The following PDLIM1 variants were observed in gnomAD, a reference collection of about 807,000 sequenced individuals.
PDLIM1 encodes PDZ and LIM domain protein 1.
A neutral mutation model predicts 35.2 loss-of-function variants in PDLIM1; 25 were observed. The observed-to-expected ratio is 0.71, with a 90% confidence interval of 0.52 to 0.99. The LOEUF is 0.99. Ranked by LOEUF, PDLIM1 falls within the 50% of genes least tolerant of loss-of-function variation. PDLIM1 has a pLI of 0.00. For missense variants in PDLIM1, 363 were observed against 415.3 expected, an observed-to-expected ratio of 0.87 and a Z score of 1.09; for synonymous variants, 152 against 154.0, an observed-to-expected ratio of 0.99 and a Z score of 0.10.
intron 3 of PDLIM1, among the ~76,000 whole-genome samples, chr10:95,266,924 T>C (rs1248087102): frequency 6.6e-6 from 1 of 152,238 alleles, no homozygotes; most frequent in African/African-American, 2.4e-5. Flanking sequence ...AATGAGGAAG[T>C]ACAAACTAGG....
At chr10:95,239,371 C>T (rs1244205274) in intron 5 of PDLIM1, among the ~76,000 whole-genome samples, 3 of 152,122 alleles carry the variant, frequency 2.0e-5, no homozygotes, top group Non-Finnish European at 4.4e-5. Flanking sequence ...AACTAAAGAG[C>T]TTCTGCACAG....
At chr10:95,240,889 GT>G (rs987277822) in intron 5 of PDLIM1, among the ~76,000 whole-genome samples, 2 of 152,154 alleles carry the variant, frequency 1.3e-5, no homozygotes, top group African/African-American at 4.8e-5. Context: ...CTGTACCATG[GT>G]AGCTATTAAT....
In PDLIM1 at chr10:95,237,720, C is replaced by A. The variant is rs1273330486; in HGVS notation, c.*205G>T. 4 of 563,670 alleles carry A rather than the reference C, an allele frequency of 7.1e-6. No individual in the cohort carries two copies. Among genetic ancestry groups the A allele is most frequent in the Non-Finnish European group, 1.3e-5 (4 of 317,686 alleles). The allele number at this position is 563,670 out of a possible 1,614,324, so 34.9% of individuals were successfully genotyped here. ...GTGTTGCTGACAAGGTGACACTGAA[C>A]AAAACAGTTTTCCTTTAATTGTAAA... On this transcript the variant is annotated 3_prime_UTR_variant, in exon 7 of 7. Coordinates refer to ENST00000329399, the MANE Select transcript of PDLIM1 (RefSeq NM_020992.4).
intron 1 of PDLIM1, among the ~76,000 whole-genome samples, chr10:95,282,817 G>A (rs181382907): frequency 2.6e-5 from 4 of 152,122 alleles, no homozygotes; most frequent in Non-Finnish European, 2.9e-5. Flanking sequence ...GATGGCGCAC[G>A]CTTGTAATCT....
chr10:95,264,753 C>T (rs2035398033), intron 3 of PDLIM1, among the ~76,000 whole-genome samples: 1 of 151,972 alleles, frequency 6.6e-6, no homozygotes, highest in African/African-American at 2.4e-5. Context: ...TTCTCATTCC[C>T]CTCTTTCTGT....
intron 5 of PDLIM1, among the ~76,000 whole-genome samples, chr10:95,242,861 G>C (rs1005537329): frequency 6.6e-6 from 1 of 151,430 alleles, no homozygotes; most frequent in African/African-American, 2.4e-5. Flanking sequence ...GCCTGCCCAT[G>C]ACAAGAAGGA....
chr10:95,288,524 C>G (rs752510412), intron 1 of PDLIM1, among the ~76,000 whole-genome samples: 12 of 150,908 alleles, frequency 8.0e-5, no homozygotes, highest in Non-Finnish European at 1.8e-4. Context: ...TAACTCACAG[C>G]CAAGGGCTGG....
chr10:95,253,492 T>TA (rs1456034573), intron 4 of PDLIM1, among the ~76,000 whole-genome samples: 2 of 152,048 alleles, frequency 1.3e-5, no homozygotes, highest in African/African-American at 4.8e-5. Flanking sequence ...CTGTCTCTAC[T>TA]AAAAATACAA....
In PDLIM1 at chr10:95,290,888, C is replaced by T. The variant is rs1197224180; in HGVS notation, c.28G>A (p.Gly10Ser). MTTQQIDLQGPGPWGFRLVG... is the reference protein window; with the variant it reads MTTQQIDLQSPGPWGFRLVG... Reference sequence around the variant, plus strand: ...AGGCGGAAGCCCCACGGCCCCGGGCCCTGGAGGTCTATCTGCTGGGTGGTC... The same window carrying T: ...AGGCGGAAGCCCCACGGCCCCGGGCTCTGGAGGTCTATCTGCTGGGTGGTC... Residue 10 changes from glycine to serine, a missense_variant, in exon 1 of 7, where the codon GGC becomes AGC. Gly to Ser is a moderately conservative substitution (Grantham distance 56). Coordinates refer to ENST00000329399, the MANE Select transcript of PDLIM1 (RefSeq NM_020992.4). The surrounding 1 kb of genome is among the most constrained non-coding windows in gnomAD (Gnocchi z 4.7). 3 of 1,563,288 alleles carry T rather than the reference C, an allele frequency of 1.9e-6. No individual in the cohort carries two copies. The highest frequency in any genetic ancestry group is 1.8e-5 in the Admixed American group (1 of 54,756).
intron 4 of PDLIM1, among the ~76,000 whole-genome samples, chr10:95,257,580 T>C (rs964856770): frequency 2.0e-5 from 3 of 152,056 alleles, no homozygotes; most frequent in Non-Finnish European, 2.9e-5. Flanking sequence ...ATTAAAGAAA[T>C]GCAAATCAAA....
At chr10:95,262,046 C>T (rs1264781345) in intron 4 of PDLIM1, among the ~76,000 whole-genome samples, 2 of 151,890 alleles carry the variant, frequency 1.3e-5, no homozygotes, top group Non-Finnish European at 2.9e-5. Context: ...TCTTAGTGTC[C>T]TCTCAGTGTC....
chr10:95,242,029 C>G lies in PDLIM1; in HGVS notation c.686-3344G>C, dbSNP rs138175297. On this transcript the variant is annotated intron_variant, in intron 5 of 6. Coordinates refer to ENST00000329399, the MANE Select transcript of PDLIM1 (RefSeq NM_020992.4). ...CCATGGCTCAGACTTAGGCTTCCCC[C>G]CTCAGAGCTGGGACTATTCATCGCT... 1.1e-3 allele frequency among the ~76,000 whole-genome samples: 165 copies of G among 152,334 alleles called. 1 individual carries two copies. In the East Asian group the frequency reaches 0.03, roughly 28 times the overall value.
chr10:95,268,756 G>A (rs765954472), intron 3 of PDLIM1, 22 bp downstream of exon 3: 10 of 1,493,616 alleles, frequency 6.7e-6, no homozygotes, highest in South Asian at 4.5e-5. Flanking sequence ...GAGAGCAGCG[G>A]CAACGATGAG....
At chr10:95,246,488 C>G (rs2035222616) in intron 5 of PDLIM1, among the ~76,000 whole-genome samples, 1 of 152,158 alleles carries the variant, frequency 6.6e-6, no homozygotes, top group Admixed American at 6.5e-5. Context: ...TCAAAGCTCA[C>G]CCCAAGGACA....
rs536193795 is a variant in PDLIM1 at position 95,273,762 on chromosome 10, T to C, written c.97-1978A>G. ...CAAGCACAGGCCGCTCTCATTTCAG[T>C]CAACAATGAGAGTTAGCTTCTGAGT... On this transcript the variant is annotated intron_variant, in intron 1 of 6. Coordinates refer to ENST00000329399, the MANE Select transcript of PDLIM1 (RefSeq NM_020992.4). 3.3e-5 allele frequency among the ~76,000 whole-genome samples: 5 copies of C among 152,220 alleles called. No homozygotes were observed. In the South Asian group the frequency reaches 1.0e-3, roughly 32 times the overall value.
intron 3 of PDLIM1, 142 bp from the exon 4 acceptor site, chr10:95,264,205 T>G: frequency 1.5e-6 from 1 of 657,428 alleles, no homozygotes; most frequent in South Asian, 1.8e-5. Context: ...TGAGGGACAC[T>G]GACACACCCA....
chr10:95,275,761 A>G (rs1241634106), intron 1 of PDLIM1, among the ~76,000 whole-genome samples: 1 of 152,162 alleles, frequency 6.6e-6, no homozygotes, highest in East Asian at 1.9e-4. Context: ...TTTGGTTCCA[A>G]CTGTTTTGTG....
At chr10:95,251,445 G>A (rs942814164) in intron 4 of PDLIM1, among the ~76,000 whole-genome samples, 3 of 152,072 alleles carry the variant, frequency 2.0e-5, no homozygotes, top group African/African-American at 7.2e-5. Context: ...GTGCTGCAGC[G>A]TGTGCCTGTA....
intron 4 of PDLIM1, among the ~76,000 whole-genome samples, chr10:95,263,051 G>A (rs1270157683): frequency 1.3e-5 from 2 of 151,956 alleles, no homozygotes; most frequent in Non-Finnish European, 2.9e-5. Context: ...AGGCTGAGGT[G>A]GGAGGATCAC....
Sources: gnomAD v4.1 joint callset for allele counts (sites outside exome capture counted in the v4.1 genomes callset) on GRCh38, gnomAD v4.1.1 for gene constraint, Gnocchi (gnomAD v3.1) non-coding constraint, MANE v1.5 for transcripts, NCBI Gene and HGNC (gene_info 2026-07-23, HGNC 2026-07-21) for gene names.